Variants in GPATCH8 observed in about 807,000 individuals in gnomAD.
GPATCH8 encodes G-patch domain containing 8, also known as G patch domain-containing protein 8.
Under a neutral mutation model 118.3 loss-of-function variants are expected in GPATCH8, and 18 were observed. The ratio of observed to expected loss-of-function variants is 0.15; its 90% CI spans 0.11 to 0.23. The LOEUF is 0.23. GPATCH8 is among the 10% of genes least tolerant of loss of function. The pLI is 1.00. For missense variants in GPATCH8, 1,631 were observed against 1,873.8 expected (o/e 0.87, Z 2.39); for synonymous variants, 659 against 684.7 (o/e 0.96, Z 0.59).
intron 1 of GPATCH8, among the ~76,000 whole-genome samples, chr17:44,491,962 T>A (rs931795076): frequency 6.6e-6 from 1 of 152,128 alleles, no homozygotes; most frequent in South Asian, 2.1e-4. Context: ...GAAATGGACA[T>A]CCTGGGGATT....
rs1369158917 is a variant in GPATCH8, at chr17:44,397,660, C to T, written c.4417G>A (p.Ala1473Thr). 1.2e-6 allele frequency: 2 copies of T among 1,613,178 alleles called. No homozygotes were observed. Among genetic ancestry groups the T allele is most frequent in the Non-Finnish European group, 1.7e-6 (2 of 1,179,376 alleles). The change falls in exon 8 of 8, where the codon GCA becomes ACA. Residue 1473 changes from alanine (A) to threonine (T), a missense_variant. Transcript: ENST00000591680. ...AGGTGAAGTGCAGTGGCAGCTGCTG[C>T]AGCAGGCCGTGGAGCAAGTAGGGTG... ...YPTLLAPRPA[A>T]AAATALHLHP...
Position 44,494,902 on chromosome 17 carries a change from T to C in GPATCH8, c.45+8424A>G, listed in dbSNP as rs191252756. ...TTCCCTATGCCCAATCATTAATTCA[T>C]TGTCCTAAAAAAACAAATTCTGTTT... On this transcript the variant is annotated intron_variant, in intron 1 of 7. Coordinates refer to ENST00000591680, the MANE Select transcript of GPATCH8 (RefSeq NM_001002909.4). 3.8e-3 allele frequency among the ~76,000 whole-genome samples: 573 copies of C among 152,372 alleles called. 3 individuals are homozygous for C. Among genetic ancestry groups the C allele is most frequent in the Non-Finnish European group, 6.5e-3 (443 of 68,034 alleles).
intron 1 of GPATCH8, chr17:44,486,710 G>A (rs1252442484): frequency 6.6e-6 from 1 of 150,428 alleles, no homozygotes; most frequent in Non-Finnish European, 1.5e-5. Context: ...AAACATGAAA[G>A]AAAGCCCTCC....
chr17:44,481,216 G>A (rs1968215745), intron 1 of GPATCH8, among the ~76,000 whole-genome samples: 2 of 152,104 alleles, frequency 1.3e-5, no homozygotes, highest in African/African-American at 4.8e-5. Context: ...AATTTCAGAC[G>A]AGCAACTTTC....
At chr17:44,465,660 G>A (rs1387640502) in intron 2 of GPATCH8, 1 of 152,124 alleles carries the variant, frequency 6.6e-6, no homozygotes, top group Non-Finnish European at 1.5e-5. Context: ...AAGATTAAAA[G>A]TCACAATATA....
intron 3 of GPATCH8, among the ~76,000 whole-genome samples, chr17:44,458,885 C>A (rs2051442104): frequency 6.6e-6 from 1 of 152,128 alleles, no homozygotes; most frequent in African/African-American, 2.4e-5. Flanking sequence ...TTTTCTTACT[C>A]AAATATTATT....
rs149798216 is a variant in GPATCH8, at chr17:44,400,508, C to T, written c.1569G>A (p.Gly523=). The T allele has an allele frequency of 1.1e-5, 18 of 1,614,142 alleles. No homozygotes were observed. The African/African-American group carries it at 2.1e-4, about 19-fold the overall frequency. Residue 523 remains glycine, a synonymous_variant, in exon 8 of 8, where the codon GGG becomes GGA. Transcript: ENST00000591680. ...GTTTGGGTCCTTCTTGGCTTTCTTT[C>T]CCTGCTGGGGTGGCCAGAGAGGTTT... The part of the protein sequence containing the change: ...SKETSLATPA[G]KESQEGPKHP...
At chr17:44,447,165 T>G (rs2050918257) in intron 3 of GPATCH8, among the ~76,000 whole-genome samples, 1 of 147,260 alleles carries the variant, frequency 6.8e-6, no homozygotes, top group African/African-American at 2.5e-5. Context: ...AAAAAAATTT[T>G]TTTTTTTTTA....
chr17:44,441,799 C>T (rs1327214697), intron 3 of GPATCH8, among the ~76,000 whole-genome samples: 1 of 151,536 alleles, frequency 6.6e-6, no homozygotes, highest in Non-Finnish European at 1.5e-5. Flanking sequence ...GAGGCCGAGG[C>T]GGGTGGATCA....
chr17:44,435,126 T>C lies in GPATCH8; in HGVS notation c.287A>G (p.Glu96Gly). The change falls in exon 5 of 8, where the codon GAA (glutamate) becomes GGA (glycine). Residue 96 changes from glutamate to glycine, a missense_variant. Around this residue, in one of 8 missense-constraint regions of GPATCH8, gnomAD observed 81 missense variants for 227.6 expected, o/e 0.36. Transcript: ENST00000591680. ...TTCTACTTCTAGGACACGGCGCCGT[T>C]CGGTAGCATCTTCAGCATAATCAAG... ...MELDYAEDAT[E>G]RRRVLEVEKE... 4 of 1,505,892 alleles carry C rather than the reference T, an allele frequency of 2.7e-6. No individual in the cohort carries two copies. The highest frequency in any genetic ancestry group is 3.7e-6 in the Non-Finnish European group (4 of 1,081,268). 93.3% of individuals were successfully genotyped at this position (1,505,892 alleles called of 1,614,324 possible).
chr17:44,437,868 G>A (rs1486264931), intron 3 of GPATCH8, among the ~76,000 whole-genome samples: 3 of 148,878 alleles, frequency 2.0e-5, no homozygotes, highest in African/African-American at 7.4e-5. Context: ...ACAATAAATA[G>A]GGAGAATTAG....
intron 3 of GPATCH8, among the ~76,000 whole-genome samples, chr17:44,452,289 A>T (rs1325740751): frequency 4.1e-5 from 6 of 146,170 alleles, no homozygotes; most frequent in African/African-American, 1.3e-4. Context: ...AAAAAAAAAA[A>T]GAAAAAAAAA....
Position 44,398,713 on chromosome 17 carries a change from T to C in GPATCH8, c.3364A>G (p.Lys1122Glu), listed in dbSNP as rs1187636706. 6.2e-7 allele frequency: 1 copy of C among 1,603,596 alleles called. No homozygotes were observed. The highest frequency in any genetic ancestry group is 8.5e-7 in the Non-Finnish European group (1 of 1,173,368). ...TAACCTTGTGGGGGGTCCTTGAGCT[T>C]GGGCCCAGCTTTATTAGGGGTGGCC... Reference protein sequence around the residue: ...VQATPNKAGPKLKDPPQGYFG... With the variant: ...VQATPNKAGPELKDPPQGYFG... Residue 1122 changes from lysine (K) to glutamate (E), a missense_variant, in exon 8 of 8, where the codon AAG becomes GAG. Physicochemically the swap from Lys to Glu is moderately conservative, Grantham distance 56. Around this residue, in one of 8 missense-constraint regions of GPATCH8, gnomAD observed 922 missense variants for 879.7 expected, o/e 1.05. Coordinates refer to ENST00000591680, the MANE Select transcript of GPATCH8 (RefSeq NM_001002909.4).
intron 6 of GPATCH8, among the ~76,000 whole-genome samples, chr17:44,421,338 T>A (rs916156803): frequency 6.8e-6 from 1 of 147,788 alleles, no homozygotes; most frequent in Non-Finnish European, 1.5e-5. Context: ...TGAAACTCCA[T>A]CTCAAGAAAA....
chr17:44,470,449 C>A lies in GPATCH8; in HGVS notation c.120+4380G>T, dbSNP rs1394189455. On this transcript the variant is annotated intron_variant, in intron 2 of 7. Coordinates refer to ENST00000591680, the MANE Select transcript of GPATCH8 (RefSeq NM_001002909.4). ...GACCCTGTGATCCACCCACCTCGGC[C>A]TCCCAAAGTGCTGGGATTATAGGTG... Among the ~76,000 whole-genome samples, 9 of 150,914 alleles carry A rather than the reference C, an allele frequency of 6.0e-5. No individual in the cohort carries two copies. The East Asian group carries it at 1.6e-3, about 26-fold the overall frequency.
At chr17:44,433,905 G>A (rs925851635) in intron 5 of GPATCH8, among the ~76,000 whole-genome samples, 11 of 152,102 alleles carry the variant, frequency 7.2e-5, no homozygotes, top group African/African-American at 1.9e-4. Flanking sequence ...TTGGGAGGCC[G>A]AGGTGGGCAG....
At chr17:44,407,681 G>T (rs532771674) in intron 6 of GPATCH8, among the ~76,000 whole-genome samples, 1 of 148,274 alleles carries the variant, frequency 6.7e-6, no homozygotes, top group Non-Finnish European at 1.5e-5. Flanking sequence ...TTTTGAGATG[G>T]AGTCTCACTC....
At chr17:44,474,514 C>T (rs149718428) in intron 2 of GPATCH8, 163 of 401,782 alleles carry the variant, frequency 4.1e-4, no homozygotes, top group African/African-American at 3.2e-3. Context: ...GATCAAAATA[C>T]ATTTTACTCC....
chr17:44,470,614 A>C (rs1055434465), intron 2 of GPATCH8, among the ~76,000 whole-genome samples: 3 of 150,308 alleles, frequency 2.0e-5, no homozygotes, highest in African/African-American at 7.4e-5. Context: ...CTCCTGCCTC[A>C]GCCTCCTGAG....
Sources: allele counts gnomAD v4.1 joint callset (sites outside exome capture counted in the v4.1 genomes callset), GRCh38; gene constraint gnomAD v4.1.1; regional missense constraint gnomAD v4.1.1; transcripts MANE v1.5; gene names NCBI Gene and HGNC (gene_info 2026-07-23, HGNC 2026-07-21).